The following TTC28 variants were observed in gnomAD, a reference collection of about 807,000 sequenced individuals.
The protein encoded by TTC28 is tetratricopeptide repeat protein 28.
TTC28 carries 61 observed loss-of-function variants against 198.0 expected under a neutral mutation model. The observed-to-expected ratio is 0.31, with a 90% CI of 0.25 to 0.38. The LOEUF is 0.38. Ranked by LOEUF, TTC28 falls within the 10% of genes least tolerant of loss-of-function variation. The pLI is 1.00. For missense variants in TTC28, 2,678 were observed against 3,164.0 expected, an observed-to-expected ratio of 0.85 and a Z score of 3.69; for synonymous variants, 1,171 against 1,297.8, an observed-to-expected ratio of 0.90 and a Z score of 2.10.
At position 28,372,250 on chromosome 22, in the gene TTC28, T is replaced by C. The variant is rs144866930; in HGVS notation, c.382-65607A>G. Among the ~76,000 whole-genome samples the C allele has an allele frequency of 3.6e-3, 553 of 152,322 alleles. 2 individuals are homozygous for C. Among genetic ancestry groups the C allele is most frequent in the African/African-American group, 0.012 (518 of 41,574 alleles). On this transcript the variant is annotated intron_variant, in intron 2 of 22. Coordinates refer to ENST00000397906, the MANE Select transcript of TTC28 (RefSeq NM_001145418.2). ...ACATCTAATTTCCTTTTTTAAAAAA[T>C]TTAAGAGGTAGTACCCATCCCATGA...
At chr22:28,635,315 C>A (rs549285701) in intron 1 of TTC28, among the ~76,000 whole-genome samples, 3 of 151,504 alleles carry the variant, frequency 2.0e-5, no homozygotes, top group Non-Finnish European at 2.9e-5. Flanking sequence ...AGCAAGACTC[C>A]GTCTCAAAAA....
rs547172646 is a variant in TTC28, at chr22:28,114,454, G to A, written c.1442-6051C>T. 5.7e-4 allele frequency among the ~76,000 whole-genome samples: 87 copies of A among 152,246 alleles called. 1 individual carries two copies. Among genetic ancestry groups the A allele is most frequent in the Non-Finnish European group, 1.1e-3 (76 of 68,024 alleles). On this transcript the variant is annotated intron_variant, in intron 6 of 22. Coordinates refer to ENST00000397906, the MANE Select transcript of TTC28 (RefSeq NM_001145418.2). ...AGAATCAAAGGCATGAGAGCAAAGTGCTCTGTGTTAGAAATGCAACCAATT... is the reference window on the plus strand; with the variant it reads ...AGAATCAAAGGCATGAGAGCAAAGTACTCTGTGTTAGAAATGCAACCAATT...
chr22:28,529,718 G>A (rs2049090112), intron 2 of TTC28, among the ~76,000 whole-genome samples: 1 of 152,142 alleles, frequency 6.6e-6, no homozygotes, highest in African/African-American at 2.4e-5. Flanking sequence ...CCAGAGGAAG[G>A]ATCAGGCAGC....
At chr22:28,056,317 A>T (rs1415987931) in intron 12 of TTC28, 1 of 152,500 alleles carries the variant, frequency 6.6e-6, no homozygotes, top group East Asian at 1.9e-4. Context: ...CGCTCTCAGG[A>T]GATCACCATA....
chr22:28,257,600 G>C (rs988863879), intron 5 of TTC28, among the ~76,000 whole-genome samples: 1 of 151,350 alleles, frequency 6.6e-6, no homozygotes, highest in East Asian at 1.9e-4. Context: ...TCTGATGCTG[G>C]GAAGGGGAGA....
intron 2 of TTC28, among the ~76,000 whole-genome samples, chr22:28,495,770 A>C (rs2048446316): frequency 6.6e-6 from 1 of 152,182 alleles, no homozygotes; most frequent in Non-Finnish European, 1.5e-5. Flanking sequence ...AAATTGTTCA[A>C]GTGCCTCCTG....
intron 5 of TTC28, among the ~76,000 whole-genome samples, chr22:28,208,039 T>C (rs912236389): frequency 5.3e-5 from 8 of 152,092 alleles, no homozygotes; most frequent in African/African-American, 1.7e-4. Flanking sequence ...GTCCTATACC[T>C]ATGATCACTA....
chr22:28,145,612 G>C (rs571923333), intron 6 of TTC28, among the ~76,000 whole-genome samples: 34 of 152,220 alleles, frequency 2.2e-4, no homozygotes, highest in Non-Finnish European at 3.7e-4. Context: ...TTGTCAGCAA[G>C]AGATGAAGAC....
At chr22:28,486,518 TAA>T (rs2048317062) in intron 2 of TTC28, among the ~76,000 whole-genome samples, 1 of 152,190 alleles carries the variant, frequency 6.6e-6, no homozygotes, top group Non-Finnish European at 1.5e-5. Context: ...CTTAAAATCT[TAA>T]GAGAATTATA....
At chr22:28,191,189 T>C (rs960161495) in intron 5 of TTC28, among the ~76,000 whole-genome samples, 53 of 152,344 alleles carry the variant, frequency 3.5e-4, no homozygotes, top group Admixed American at 3.4e-3. Flanking sequence ...GAAACATGTT[T>C]AAATGCAGGT....
intron 5 of TTC28, among the ~76,000 whole-genome samples, chr22:28,288,527 G>A (rs554192001): frequency 5.9e-5 from 9 of 152,176 alleles, no homozygotes; most frequent in Non-Finnish European, 1.2e-4. Context: ...AGTTATATAG[G>A]CTGGGCGCGG....
chr22:27,983,616 G>C lies in TTC28; in HGVS notation c.6051C>G (p.Pro2017=), dbSNP rs963677104. ...KPEGGSEGGG[P]GGRQDHDRSK... is the part of the protein sequence containing the mutation. Reference sequence around the variant, plus strand: ...ACCGGTCATGGTCCTGCCGTCCTCCGGGGCCTCCACCCTCTGATCCACCCT... The same window carrying C: ...ACCGGTCATGGTCCTGCCGTCCTCCCGGGCCTCCACCCTCTGATCCACCCT... Residue 2017 remains proline (P), a synonymous_variant, in exon 23 of 23, where the codon CCC becomes CCG. Coordinates refer to ENST00000397906, the MANE Select transcript of TTC28 (RefSeq NM_001145418.2). 9.1e-6 allele frequency: 14 copies of C among 1,544,586 alleles called. No homozygotes were observed. The highest frequency in any genetic ancestry group is 2.7e-5 in the African/African-American group (2 of 72,734).
intron 12 of TTC28, among the ~76,000 whole-genome samples, chr22:28,034,221 T>C (rs1239517886): frequency 1.3e-5 from 2 of 152,082 alleles, no homozygotes; most frequent in Non-Finnish European, 2.9e-5. Flanking sequence ...CAGCAGAGGA[T>C]AACTCGAGGG....
At chr22:28,506,720 C>T (rs1283326060) in intron 2 of TTC28, among the ~76,000 whole-genome samples, 1 of 152,232 alleles carries the variant, frequency 6.6e-6, no homozygotes, top group Admixed American at 6.5e-5. Flanking sequence ...AGGCTGCCAT[C>T]TTTGCTGTTT....
chr22:28,310,174 A>AC (rs56832222), intron 2 of TTC28, among the ~76,000 whole-genome samples: 35,638 of 83,396 alleles, frequency 0.43, 4,819 homozygotes, highest in African/African-American at 0.45. Flanking sequence ...ACACACACAC[A>AC]AAAAACAAGA....
At chr22:28,556,669 C>A (rs895885279) in intron 2 of TTC28, among the ~76,000 whole-genome samples, 1 of 152,214 alleles carries the variant, frequency 6.6e-6, no homozygotes, top group Non-Finnish European at 1.5e-5. Flanking sequence ...TCCACAGTTT[C>A]TGTGGCTCAA....
At chr22:28,644,213 C>T (rs1019782561) in intron 1 of TTC28, among the ~76,000 whole-genome samples, 37 of 151,762 alleles carry the variant, frequency 2.4e-4, no homozygotes, top group African/African-American at 9.0e-4. Flanking sequence ...TCCTGGCTAA[C>T]ACGGTGAAAC....
Position 27,989,992 on chromosome 22 carries a change from C to T in TTC28, c.5593G>A (p.Val1865Ile), listed in dbSNP as rs1463089744. ...TCCTTCTCGCCAGCCTGGAGCTGAA[C>T]CAGCACCTGGTGGAGCTGAGGAAGG... Reference protein sequence around the residue: ...NMVGMLHQVLVQLQAGEKEQD... With the variant: ...NMVGMLHQVLIQLQAGEKEQD... Residue 1865 changes from valine to isoleucine, a missense_variant, in exon 21 of 23, where the codon GTT (valine) becomes ATT (isoleucine). Val to Ile is a conservative substitution (Grantham distance 29, BLOSUM62 3). Transcript: ENST00000397906. 33 of 1,550,794 alleles carry T rather than the reference C, an allele frequency of 2.1e-5. No homozygotes were observed. Among genetic ancestry groups the T allele is most frequent in the Admixed American group, 3.9e-5 (2 of 50,978 alleles).
intron 5 of TTC28, among the ~76,000 whole-genome samples, chr22:28,204,625 C>A (rs1214260075): frequency 6.6e-6 from 1 of 152,036 alleles, no homozygotes; most frequent in Non-Finnish European, 1.5e-5. Flanking sequence ...ACACAAGGAA[C>A]ATAATGATTA....
Sources: allele counts gnomAD v4.1 joint callset (sites outside exome capture counted in the v4.1 genomes callset), GRCh38; gene constraint gnomAD v4.1.1; transcripts MANE v1.5; gene names NCBI Gene and HGNC (gene_info 2026-07-23, HGNC 2026-07-21).